Variants in FOXN2 observed in about 807,000 individuals in gnomAD.
FOXN2 encodes forkhead box N2.
FOXN2 carries 19 observed loss-of-function variants against 41.2 expected under a neutral mutation model. The observed-to-expected ratio is 0.46, with a 90% confidence interval of 0.32 to 0.68. The LOEUF is 0.68. Ranked by LOEUF, FOXN2 falls within the 30% of genes least tolerant of loss-of-function variation. The probability of loss-of-function intolerance (pLI) is 0.03; values close to 1 mark genes in which losing one functional copy is unlikely to be tolerated. For missense variants in FOXN2, 587 were observed against 509.4 expected, an observed-to-expected ratio of 1.15 and a Z score of -1.47; for synonymous variants, 195 against 176.8, an observed-to-expected ratio of 1.10 and a Z score of -0.82.
At chr2:48,356,574 A>T (rs1175917462) in intron 3 of FOXN2, among the ~76,000 whole-genome samples, 1 of 148,804 alleles carries the variant, frequency 6.7e-6, no homozygotes, top group Non-Finnish European at 1.5e-5. Flanking sequence ...GTAAAATTTT[A>T]ATCAGTTAAT....
chr2:48,357,501 T>C (rs1296881626), intron 3 of FOXN2, among the ~76,000 whole-genome samples: 1 of 150,758 alleles, frequency 6.6e-6, no homozygotes, highest in African/African-American at 2.4e-5. Flanking sequence ...ATTTTAATTC[T>C]TCCTTTTTTT....
chr2:48,361,336 C>G (rs566334291), intron 4 of FOXN2, among the ~76,000 whole-genome samples: 2 of 151,902 alleles, frequency 1.3e-5, no homozygotes, highest in Non-Finnish European at 2.9e-5. Flanking sequence ...TGTGGTGGCA[C>G]GCGCCTGTAA....
intron 2 of FOXN2, among the ~76,000 whole-genome samples, chr2:48,334,534 C>A (rs1256220528): frequency 1.3e-5 from 2 of 152,190 alleles, no homozygotes; most frequent in Non-Finnish European, 1.5e-5. Context: ...GTACCAAGTA[C>A]CTTCAGCTTT....
At chr2:48,368,257 G>A (rs1672655834) in intron 5 of FOXN2, among the ~76,000 whole-genome samples, 1 of 150,048 alleles carries the variant, frequency 6.7e-6, no homozygotes, top group Non-Finnish European at 1.5e-5. Context: ...ACAGCTAATA[G>A]TGTTATTGTT....
At chr2:48,330,349 G>A (rs1177027247) in intron 2 of FOXN2, among the ~76,000 whole-genome samples, 3 of 152,126 alleles carry the variant, frequency 2.0e-5, no homozygotes, top group Non-Finnish European at 4.4e-5. Flanking sequence ...TAGTGGCAAA[G>A]CTTATAAAAT....
intron 4 of FOXN2, among the ~76,000 whole-genome samples, chr2:48,360,263 G>T (rs1672082976): frequency 6.6e-6 from 1 of 151,990 alleles, no homozygotes. Context: ...GAAAATCCCA[G>T]ATTTGGTTAA....
Position 48,340,286 on chromosome 2 carries a change from C to G in FOXN2, c.-14-5915C>G, listed in dbSNP as rs1011866312. ...TTAGGTAATGCTGAAAATTCTGTGG[C>G]TTTGTTTCCCTTTTCTTATGTAGTC... On this transcript the variant is annotated intron_variant, in intron 2 of 6. Transcript: ENST00000340553. 1.3e-4 allele frequency among the ~76,000 whole-genome samples: 20 copies of G among 152,260 alleles called. No homozygotes were observed. In the East Asian group the frequency reaches 2.3e-3, roughly 18 times the overall value.
chr2:48,325,728 T>C (rs943816953), intron 1 of FOXN2, among the ~76,000 whole-genome samples: 1 of 152,086 alleles, frequency 6.6e-6, no homozygotes, highest in African/African-American at 2.4e-5. Context: ...AGGAAAGATA[T>C]GTATTAAACC....
At chr2:48,350,756 A>G (rs1349064714) in intron 3 of FOXN2, among the ~76,000 whole-genome samples, 1 of 152,190 alleles carries the variant, frequency 6.6e-6, no homozygotes, top group Non-Finnish European at 1.5e-5. Flanking sequence ...GTGGAAAAAG[A>G]CCTAGCCTAG....
intron 3 of FOXN2, among the ~76,000 whole-genome samples, chr2:48,355,180 C>G (rs1184375413): frequency 2.6e-5 from 4 of 152,064 alleles, no homozygotes; most frequent in Non-Finnish European, 2.9e-5. Context: ...TGTGATAATA[C>G]TCAAAAGGGA....
intron 3 of FOXN2, among the ~76,000 whole-genome samples, chr2:48,349,809 A>G (rs1456337705): frequency 2.0e-5 from 3 of 152,246 alleles, no homozygotes; most frequent in Non-Finnish European, 2.9e-5. Flanking sequence ...GTGACGTGAG[A>G]TGTAACATAT....
At chr2:48,324,047 A>T (rs540505743) in intron 1 of FOXN2, among the ~76,000 whole-genome samples, 3 of 152,064 alleles carry the variant, frequency 2.0e-5, no homozygotes, top group African/African-American at 7.2e-5. Flanking sequence ...TATTTTAAAA[A>T]TTTTCTTTTG....
At chr2:48,345,324 A>T (rs1338533414) in intron 2 of FOXN2, among the ~76,000 whole-genome samples, 1 of 152,116 alleles carries the variant, frequency 6.6e-6, no homozygotes, top group Non-Finnish European at 1.5e-5. Context: ...TGGTAACCAG[A>T]TATGGGTGGT....
upstream of FOXN2, among the ~76,000 whole-genome samples, chr2:48,313,914 T>G (rs1424623739): frequency 6.6e-6 from 1 of 152,244 alleles, no homozygotes; most frequent in East Asian, 1.9e-4. Context: ...CTCTCCTGTA[T>G]TTCGTGTGGC....
At chr2:48,335,565 C>T (rs559445659) in intron 2 of FOXN2, among the ~76,000 whole-genome samples, 1 of 55,616 alleles carries the variant, frequency 1.8e-5, no homozygotes, top group South Asian at 6.6e-4. Context: ...AAAACATGTT[C>T]ATACAAATAA....
intron 2 of FOXN2, among the ~76,000 whole-genome samples, chr2:48,345,208 T>G (rs1671017499): frequency 6.6e-6 from 1 of 152,152 alleles, no homozygotes; most frequent in African/African-American, 2.4e-5. Flanking sequence ...TACTGGGATT[T>G]TAAAAAGAAA....
chr2:48,329,537 GCACA>G lies in FOXN2; in HGVS notation c.-15+838_-15+841del, dbSNP rs1339961428. Among the ~76,000 whole-genome samples, 3 of 151,974 alleles carry G rather than the reference GCACA, an allele frequency of 2.0e-5. No individual in the cohort carries two copies. The East Asian group carries it at 5.8e-4, about 29-fold the overall frequency. ...TCCCCCTTGACTAGAAAATGCAGCT[GCACA>G]CATTTTTTGTTTAGAGACAATGGAT... On this transcript the variant is annotated intron_variant, in intron 2 of 6. Coordinates refer to ENST00000340553, the MANE Select transcript of FOXN2 (RefSeq NM_002158.4).
intron 3 of FOXN2, among the ~76,000 whole-genome samples, chr2:48,350,406 C>T (rs1354534945): frequency 6.6e-6 from 1 of 152,232 alleles, no homozygotes. Flanking sequence ...TGGCACATGG[C>T]ACATTGCCTT....
At chr2:48,332,977 A>G (rs892570165) in intron 2 of FOXN2, among the ~76,000 whole-genome samples, 15 of 149,562 alleles carry the variant, frequency 1.0e-4, no homozygotes, top group Admixed American at 1.3e-4. Flanking sequence ...AAGGTAAATG[A>G]TTTAGATTTT....
Sources: gnomAD v4.1 joint callset for allele counts (sites outside exome capture counted in the v4.1 genomes callset) on GRCh38, gnomAD v4.1.1 for gene constraint, MANE v1.5 for transcripts, NCBI Gene and HGNC (gene_info 2026-07-23, HGNC 2026-07-21) for gene names.